Variants in CLVS2 observed in about 807,000 individuals in gnomAD.
CLVS2 encodes the protein clavesin-2.
A neutral mutation model predicts 29.0 loss-of-function variants in CLVS2; 19 were observed. That is an observed-to-expected ratio of 0.66 (90% confidence interval 0.46 to 0.96). The LOEUF is 0.96. CLVS2 is among the 40% of genes least tolerant of loss of function. The pLI is 0.00. For missense variants in CLVS2, 294 were observed against 404.1 expected (o/e 0.73, Z 2.34); for synonymous variants, 161 against 151.3 (o/e 1.06, Z -0.47).
At chr6:123,045,624 T>C (rs1772479957) in intron 3 of CLVS2, among the ~76,000 whole-genome samples, 1 of 152,208 alleles carries the variant, frequency 6.6e-6, no homozygotes, top group South Asian at 2.1e-4. Flanking sequence ...TAGAATGCTA[T>C]GTTTAACCTT....
intron 2 of CLVS2, among the ~76,000 whole-genome samples, chr6:123,003,916 T>A (rs1389287021): frequency 6.6e-6 from 1 of 152,206 alleles, no homozygotes; most frequent in East Asian, 1.9e-4. Flanking sequence ...AATTAAGTAC[T>A]TCACTCATGA....
rs146715022 is a variant in CLVS2 at position 122,997,758 on chromosome 6, G to C, written c.-20G>C. 1.6e-4 allele frequency: 257 copies of C among 1,608,930 alleles called. 3 individuals carry two copies. In the Admixed American group the frequency reaches 4.3e-3, roughly 27 times the overall value. On this transcript the variant is annotated 5_prime_UTR_variant, in exon 2 of 6. Coordinates refer to ENST00000275162, the MANE Select transcript of CLVS2 (RefSeq NM_001010852.4). ...AGTCAACAAGGTCTTCTGAGGGAAA[G>C]CTCAGAGATAGGCAGAACAATGACT...
intron 3 of CLVS2, among the ~76,000 whole-genome samples, chr6:123,045,432 G>A (rs962808276): frequency 8.6e-5 from 13 of 151,734 alleles, no homozygotes; most frequent in Non-Finnish European, 1.6e-4. Flanking sequence ...CTGCTGTCCC[G>A]GAGGCCTCTC....
intron 2 of CLVS2, among the ~76,000 whole-genome samples, chr6:123,000,994 C>T (rs989342141): frequency 6.6e-5 from 10 of 152,102 alleles, no homozygotes; most frequent in Non-Finnish European, 1.2e-4. Flanking sequence ...TGAAACAATT[C>T]GTAAAGACCC....
chr6:123,023,727 CT>C (rs1431015853), intron 3 of CLVS2, among the ~76,000 whole-genome samples: 1 of 152,114 alleles, frequency 6.6e-6, no homozygotes, highest in Non-Finnish European at 1.5e-5. Context: ...GTTTTCTCTT[CT>C]CTTGACAACA....
chr6:123,048,585 G>A (rs1013448069), intron 3 of CLVS2, 37 bp from the exon 4 acceptor site: 3 of 1,360,172 alleles, frequency 2.2e-6, no homozygotes, highest in Non-Finnish European at 3.2e-6. Flanking sequence ...GTCTATTAAA[G>A]CATATTTTGA....
Position 122,997,595 on chromosome 6 carries a change from TGC to T in CLVS2, c.-182_-181del. 1 of 628,654 alleles carries T rather than the reference TGC, an allele frequency of 1.6e-6. No individual in the cohort carries two copies. The highest frequency in any genetic ancestry group is 2.8e-6 in the Non-Finnish European group (1 of 360,216). 38.9% of individuals were successfully genotyped at this position (628,654 alleles called of 1,614,324 possible). On this transcript the variant is annotated 5_prime_UTR_variant, in exon 2 of 6. It removes the in-frame stop codon of an upstream open reading frame in the 5' UTR. Transcript: ENST00000275162. ...TTACACCCCCCGGCCCCCCCAGCTT[TGC>T]TGGGGGAAAGCAGGAGCAACAGGGC... is the stretch of plus-strand genomic sequence containing the variant.
Position 123,068,280 on chromosome 6 carries a change from A to G in CLVS2, c.*4519A>G, listed in dbSNP as rs1429294109. On this transcript the variant is annotated 3_prime_UTR_variant, in exon 6 of 6. Coordinates refer to ENST00000275162, the MANE Select transcript of CLVS2 (RefSeq NM_001010852.4). ...GGAGTTAAATATAATCAATGCACTC[A>G]TGGTAAATAATGGAAATTGTTAAAA... The G allele has an allele frequency of 2.0e-5, 3 of 151,648 alleles. No individual in the cohort carries two copies. 9.4% of individuals were successfully genotyped at this position (151,648 alleles called of 1,614,324 possible). A position where few individuals can be genotyped will look rare whatever the true frequency, so the allele number is the denominator to read the frequency against.
Position 123,038,074 on chromosome 6 carries a change from A to C in CLVS2, c.565-10548A>C, listed in dbSNP as rs567136853. Among the ~76,000 whole-genome samples the C allele has an allele frequency of 3.3e-5, 5 of 152,250 alleles. No individual in the cohort carries two copies. In the East Asian group the frequency reaches 9.7e-4, roughly 29 times the overall value. ...TCAACTCCAGACAAACAGTTTTGACAACTGGATCCTAAAGGTGGCCTGATC... is the reference window on the plus strand; with the variant it reads ...TCAACTCCAGACAAACAGTTTTGACCACTGGATCCTAAAGGTGGCCTGATC... On this transcript the variant is annotated intron_variant, in intron 3 of 5. Coordinates refer to ENST00000275162, the MANE Select transcript of CLVS2 (RefSeq NM_001010852.4).
chr6:122,999,435 A>G (rs1774558358), intron 2 of CLVS2, among the ~76,000 whole-genome samples: 1 of 152,218 alleles, frequency 6.6e-6, no homozygotes, highest in Admixed American at 6.5e-5. Context: ...CTGAAGATTC[A>G]TAATGCTAAG....
At chr6:123,016,733 T>C (rs1774840092) in intron 3 of CLVS2, among the ~76,000 whole-genome samples, 1 of 152,114 alleles carries the variant, frequency 6.6e-6, no homozygotes, top group African/African-American at 2.4e-5. Context: ...TAAGAGCCCT[T>C]AATAAGTAGG....
At chr6:123,053,855 G>A (rs920726463) in intron 4 of CLVS2, among the ~76,000 whole-genome samples, 1 of 152,128 alleles carries the variant, frequency 6.6e-6, no homozygotes, top group Non-Finnish European at 1.5e-5. Flanking sequence ...CAACCGAGTA[G>A]GGGAGAGAGG....
chr6:123,011,440 T>C (rs1346159469), intron 3 of CLVS2, among the ~76,000 whole-genome samples: 3 of 152,048 alleles, frequency 2.0e-5, no homozygotes, highest in African/African-American at 7.2e-5. Flanking sequence ...ATTTTTTAGA[T>C]TGTAATGATT....
At chr6:123,060,633 T>G (rs1772761484) in intron 5 of CLVS2, among the ~76,000 whole-genome samples, 1 of 152,242 alleles carries the variant, frequency 6.6e-6, no homozygotes, top group Non-Finnish European at 1.5e-5. Context: ...GTAGCAATGC[T>G]AATATCTGTA....
At chr6:123,023,195 G>A (rs999913203) in intron 3 of CLVS2, among the ~76,000 whole-genome samples, 10 of 152,066 alleles carry the variant, frequency 6.6e-5, no homozygotes, top group African/African-American at 2.4e-4. Flanking sequence ...GAACTCAGTT[G>A]CTGTGGTGTG....
chr6:123,048,595 A>C (rs763800718), intron 3 of CLVS2, 27 bp from the exon 4 acceptor site: 1 of 1,461,974 alleles, frequency 6.8e-7, no homozygotes, highest in African/African-American at 1.4e-5. Context: ...GCATATTTTG[A>C]TTGTTTTTTT....
At chr6:123,047,880 G>A (rs561683044) in intron 3 of CLVS2, among the ~76,000 whole-genome samples, 19 of 152,144 alleles carry the variant, frequency 1.2e-4, no homozygotes, top group South Asian at 2.1e-4. Flanking sequence ...CATTCATTTG[G>A]GTTAAGGGTT....
chr6:123,035,184 G>C (rs181320507), intron 3 of CLVS2, among the ~76,000 whole-genome samples: 87 of 152,138 alleles, frequency 5.7e-4, no homozygotes, highest in African/African-American at 2.0e-3. Flanking sequence ...AGGGATAAAA[G>C]CAGAATTCTT....
chr6:123,020,558 C>A (rs954935625), intron 3 of CLVS2, among the ~76,000 whole-genome samples: 1 of 152,062 alleles, frequency 6.6e-6, no homozygotes, highest in East Asian at 1.9e-4. Context: ...GAGAGTTTCA[C>A]GATAAAGTCT....
Sources: gnomAD v4.1 joint callset for allele counts (sites outside exome capture counted in the v4.1 genomes callset) on GRCh38, gnomAD v4.1.1 for gene constraint, MANE v1.5 for transcripts, NCBI Gene and HGNC (gene_info 2026-07-23, HGNC 2026-07-21) for gene names.